PDE8A: variants seen among roughly 807,000 people sequenced by gnomAD.
PDE8A encodes high affinity cAMP-specific and IBMX-insensitive 3',5'-cyclic phosphodiesterase 8A.
PDE8A carries 59 observed loss-of-function variants against 105.0 expected under a neutral mutation model. The ratio of observed to expected loss-of-function variants is 0.56; its 90% CI spans 0.46 to 0.70. The LOEUF (loss-of-function observed/expected upper bound fraction) is 0.70, where lower values mean the gene tolerates loss of function less well. PDE8A is among the 30% of genes least tolerant of loss of function. The probability of loss-of-function intolerance (pLI) is 0.00; values close to 1 mark genes in which losing one functional copy is unlikely to be tolerated. For missense variants in PDE8A, 1,014 were observed against 1,045.9 expected (o/e 0.97, Z 0.42); for synonymous variants, 355 against 371.9 (o/e 0.95, Z 0.52).
At position 85,120,807 on chromosome 15, in the gene PDE8A, A is replaced by C; in HGVS notation, c.1745A>C (p.Asp582Ala). 1 of 1,603,446 alleles carries C rather than the reference A, an allele frequency of 6.2e-7. No homozygotes were observed. Among genetic ancestry groups the C allele is most frequent in the Non-Finnish European group, 8.5e-7 (1 of 1,174,760 alleles). ...CTCTCTTGTTTTCAGGAAACTTTAG[A>C]TCCAATTGATGAGGTCGCTGCACTC... ...LSKERIKETL[D>A]PIDEVAALIA... is the part of the protein sequence containing the mutation. The change falls in exon 18 of 22, where the codon GAT becomes GCT. Residue 582 changes from aspartate (D) to alanine (A), a missense_variant. Physicochemically the swap from Asp to Ala is moderately radical, Grantham distance 126 (BLOSUM62 -2). Transcript: ENST00000394553.
rs190004000 is a variant in PDE8A, at chr15:85,100,843, C to T, written c.1036+645C>T. Among the ~76,000 whole-genome samples the T allele has an allele frequency of 2.3e-3, 344 of 152,312 alleles. 2 individuals carry two copies. The highest frequency in any genetic ancestry group is 4.1e-3 in the Non-Finnish European group (280 of 68,026). ...AGTGTCTGTGTAGACACTTGGCGTG[C>T]CACCCTGCCTTGCCTGAGTAGTGTG... is the stretch of plus-strand genomic sequence containing the variant. On this transcript the variant is annotated intron_variant, in intron 11 of 21. Transcript: ENST00000394553.
At chr15:85,089,813 A>G (rs961766676) in intron 7 of PDE8A, among the ~76,000 whole-genome samples, 10 of 152,190 alleles carry the variant, frequency 6.6e-5, no homozygotes, top group Admixed American at 2.6e-4. Flanking sequence ...TTTGAAGATA[A>G]TTTGCACTTA....
At chr15:84,991,720 A>G (rs886147038) in intron 1 of PDE8A, among the ~76,000 whole-genome samples, 2 of 152,250 alleles carry the variant, frequency 1.3e-5, no homozygotes, top group Non-Finnish European at 2.9e-5. Flanking sequence ...TAAAAAAGTT[A>G]TGATATGTTC....
At chr15:85,111,253 T>C (rs1173211738) in intron 12 of PDE8A, among the ~76,000 whole-genome samples, 1 of 152,248 alleles carries the variant, frequency 6.6e-6, no homozygotes, top group Non-Finnish European at 1.5e-5. Flanking sequence ...TTTTCTATTA[T>C]TACTTGCGCT....
intron 8 of PDE8A, among the ~76,000 whole-genome samples, chr15:85,094,495 T>A (rs2081706848): frequency 6.6e-6 from 1 of 152,156 alleles, no homozygotes; most frequent in African/African-American, 2.4e-5. Flanking sequence ...CTTCTCTGGT[T>A]TTAGTGTCAG....
In PDE8A at chr15:85,091,118, G is replaced by A; in HGVS notation, c.789G>A (p.Val263=). The change falls in exon 8 of 22, where the codon GTG becomes GTA. Residue 263 remains valine, a synonymous_variant. Coordinates refer to ENST00000394553, the MANE Select transcript of PDE8A (RefSeq NM_002605.3). ...GELIGKELGE[V]PINEKKADLL... ...TAATAGGGAAGGAGTTAGGAGAAGT[G>A]CCTATAAATGAAAAAAAGGCTGACT... 6.2e-7 allele frequency: 1 copy of A among 1,613,104 alleles called. No individual in the cohort carries two copies. Among genetic ancestry groups the A allele is most frequent in the Non-Finnish European group, 8.5e-7 (1 of 1,179,308 alleles).
At chr15:85,025,931 G>A (rs1456304000) in intron 1 of PDE8A, among the ~76,000 whole-genome samples, 2 of 152,094 alleles carry the variant, frequency 1.3e-5, no homozygotes, top group Non-Finnish European at 2.9e-5. Context: ...TCTGTAATCT[G>A]CTTTACCCCA....
Position 85,054,345 on chromosome 15 carries a change from T to G in PDE8A, c.187-10025T>G, listed in dbSNP as rs544521671. Among the ~76,000 whole-genome samples, 357 of 152,122 alleles carry G rather than the reference T, an allele frequency of 2.3e-3. 2 individuals carry two copies. Among genetic ancestry groups the G allele is most frequent in the African/African-American group, 8.1e-3 (338 of 41,504 alleles). Reference sequence around the variant, plus strand: ...GATGCTGGCCTCATAAAATGAGTTATGGAGGATTCCCTCTTTTTCTATTGA... The same window carrying G: ...GATGCTGGCCTCATAAAATGAGTTAGGGAGGATTCCCTCTTTTTCTATTGA... On this transcript the variant is annotated intron_variant, in intron 1 of 21. Coordinates refer to ENST00000394553, the MANE Select transcript of PDE8A (RefSeq NM_002605.3).
At chr15:85,136,864 C>T (rs549634269) in intron 21 of PDE8A, among the ~76,000 whole-genome samples, 146 of 152,226 alleles carry the variant, frequency 9.6e-4, no homozygotes, top group African/African-American at 3.4e-3. Context: ...GTCTTTATGC[C>T]TGTTTTATAG....
At chr15:85,099,590 T>C (rs932335905) in intron 9 of PDE8A, among the ~76,000 whole-genome samples, 9 of 152,174 alleles carry the variant, frequency 5.9e-5, no homozygotes, top group African/African-American at 9.7e-5. Context: ...CCACGTTCAG[T>C]GTGAACCTCA....
chr15:85,087,913 G>A (rs186625625), intron 6 of PDE8A, among the ~76,000 whole-genome samples: 297 of 152,264 alleles, frequency 2.0e-3, no homozygotes, highest in Non-Finnish European at 3.2e-3. Context: ...AAAATAGAAT[G>A]TTGAGACGTC....
In PDE8A at chr15:85,014,623, T is replaced by C. The variant is rs370843655; in HGVS notation, c.186+32275T>C. Among the ~76,000 whole-genome samples, 23 of 152,336 alleles carry C rather than the reference T, an allele frequency of 1.5e-4. No individual in the cohort carries two copies. In the South Asian group the frequency reaches 4.6e-3, roughly 30 times the overall value. On this transcript the variant is annotated intron_variant, in intron 1 of 21. Coordinates refer to ENST00000394553, the MANE Select transcript of PDE8A (RefSeq NM_002605.3). ...GATATGTTTCAGTCAATTGCTCTTA[T>C]TACCTATATTGATGTTCATATATTT... is the stretch of plus-strand genomic sequence containing the variant.
intron 1 of PDE8A, among the ~76,000 whole-genome samples, chr15:85,037,451 A>G (rs2080726938): frequency 6.6e-6 from 1 of 152,228 alleles, no homozygotes; most frequent in East Asian, 1.9e-4. Flanking sequence ...TTCCCTTTTG[A>G]TTACCTCTCA....
At chr15:85,079,852 G>A (rs553587865) in intron 5 of PDE8A, among the ~76,000 whole-genome samples, 1 of 152,268 alleles carries the variant, frequency 6.6e-6, no homozygotes, top group African/African-American at 2.4e-5. Context: ...GGTGGAGGTT[G>A]CAGTGAGCTG....
chr15:84,995,465 G>A (rs750088054), intron 1 of PDE8A, among the ~76,000 whole-genome samples: 13 of 151,828 alleles, frequency 8.6e-5, no homozygotes, highest in African/African-American at 1.7e-4. Flanking sequence ...CTACAGGTAC[G>A]CACCACCACT....
intron 1 of PDE8A, among the ~76,000 whole-genome samples, chr15:85,049,920 C>G (rs909287794): frequency 2.0e-5 from 3 of 152,018 alleles, no homozygotes; most frequent in African/African-American, 7.3e-5. Flanking sequence ...CTGTTTTCTG[C>G]AGCAGCTATA....
At chr15:85,135,394 C>T (rs1449524883) in intron 20 of PDE8A, among the ~76,000 whole-genome samples, 1 of 152,190 alleles carries the variant, frequency 6.6e-6, no homozygotes, top group Non-Finnish European at 1.5e-5. Flanking sequence ...GCTCTACCCC[C>T]TCCAGCCCTG....
chr15:84,981,708 GCGGGAGCGGGGCCGGGCGCGGC>G (rs2079710302), upstream of PDE8A, among the ~76,000 whole-genome samples: 1 of 151,476 alleles, frequency 6.6e-6, no homozygotes, highest in South Asian at 2.1e-4. Flanking sequence ...GGCGGCGGCG[GCGGGAGCGGGGCCGGGCGCGGC>G]CGGGAGCTCG....
At chr15:85,076,243 A>C (rs909958593) in intron 4 of PDE8A, among the ~76,000 whole-genome samples, 3 of 152,160 alleles carry the variant, frequency 2.0e-5, no homozygotes, top group African/African-American at 7.2e-5. Flanking sequence ...TGAGGGGGGA[A>C]TCTTAGGTTT....
Sources: gnomAD v4.1 joint callset for allele counts (sites outside exome capture counted in the v4.1 genomes callset) on GRCh38, gnomAD v4.1.1 for gene constraint, MANE v1.5 for transcripts, NCBI Gene and HGNC (gene_info 2026-07-23, HGNC 2026-07-21) for gene names.